SLC2A5: variants seen among roughly 807,000 people sequenced by gnomAD.
SLC2A5 encodes the protein solute carrier family 2, facilitated glucose transporter member 5.
A neutral mutation model predicts 50.3 loss-of-function variants in SLC2A5; 56 were observed. That is an observed-to-expected ratio of 1.11 (90% confidence interval 0.90 to 1.39). The LOEUF is 1.39. Among genes scored for constraint, SLC2A5 ranks in the 40% most tolerant of loss-of-function variants. The pLI is 0.00. For missense variants in SLC2A5, 566 were observed against 650.1 expected (o/e 0.87, Z 1.41); for synonymous variants, 269 against 281.9 (o/e 0.95, Z 0.46).
Position 9,069,498 on chromosome 1 carries a change from A to G in SLC2A5, c.33+6T>C. 6.2e-7 allele frequency: 1 copy of G among 1,613,358 alleles called. No homozygotes were observed. The highest frequency in any genetic ancestry group is 1.1e-5 in the South Asian group (1 of 91,016). On this transcript the variant is annotated splice_donor_region_variant and intron_variant, in intron 1 of 11. Transcript: ENST00000377424. Reference sequence around the variant, plus strand: ...CTTGGCCCCTTTCCCTGAGCAACACACTCACCCCTTCCTTCATGCTCTGAT... The same window carrying G: ...CTTGGCCCCTTTCCCTGAGCAACACGCTCACCCCTTCCTTCATGCTCTGAT...
intron 1 of SLC2A5, among the ~76,000 whole-genome samples, chr1:9,063,681 C>CTTTTTTTTTTTTTTTT (rs70985579): frequency 4.4e-5 from 2 of 45,144 alleles, no homozygotes; most frequent in African/African-American, 1.1e-4. Flanking sequence ...CTATTATTTA[C>CTTTTTTTTTTTTTTTT]TTTTTTTTTT....
chr1:9,089,828 G>A (rs1390868287), upstream of SLC2A5, among the ~76,000 whole-genome samples: 1 of 152,190 alleles, frequency 6.6e-6, no homozygotes, highest in Non-Finnish European at 1.5e-5. Flanking sequence ...ATCACAGGAG[G>A]AAATCTCTTC....
At chr1:9,062,802 A>G (rs1340489235) in intron 1 of SLC2A5, among the ~76,000 whole-genome samples, 1 of 151,990 alleles carries the variant, frequency 6.6e-6, no homozygotes, top group African/African-American at 2.4e-5. Context: ...AACCTGGGAG[A>G]TGGAGGTTGC....
In SLC2A5 at chr1:9,038,942, G is replaced by T. The variant is rs1641216485; in HGVS notation, c.997-13C>A. ...CCACCACGAACACCTACAGGAGGGT[G>T]GCAGGGCTCAGGCGGGAGAGGCCCA... On this transcript the variant is annotated splice_polypyrimidine_tract_variant and intron_variant, in intron 8 of 11. Coordinates refer to ENST00000377424, the MANE Select transcript of SLC2A5 (RefSeq NM_003039.3). 4.3e-6 allele frequency: 7 copies of T among 1,610,266 alleles called. No homozygotes were observed. Among genetic ancestry groups the T allele is most frequent in the Non-Finnish European group, 5.9e-6 (7 of 1,178,886 alleles).
chr1:9,037,901 A>C lies in SLC2A5; in HGVS notation c.1298T>G (p.Ile433Ser), dbSNP rs770318584. 2.9e-5 allele frequency: 46 copies of C among 1,613,734 alleles called. No individual in the cohort carries two copies. Among genetic ancestry groups the C allele is most frequent in the Non-Finnish European group, 3.5e-5 (41 of 1,180,024 alleles). The change falls in exon 11 of 12, where the codon ATC becomes AGC. Residue 433 changes from isoleucine to serine, a missense_variant. Ile to Ser is a moderately radical substitution (Grantham distance 142, BLOSUM62 -2). Coordinates refer to ENST00000377424, the MANE Select transcript of SLC2A5 (RefSeq NM_003039.3). ...TGGGCCCCGGGCCCCACTCACCTGG[A>C]TGAACGGGAAGATCAAGCCCACGGT... ...NFTVGLIFPFIQEGLGPYSFI... is the reference protein window; with the variant it reads ...NFTVGLIFPFSQEGLGPYSFI...
rs2124296456 is a variant in SLC2A5 at position 9,037,995 on chromosome 1, T to C, written c.1204A>G (p.Ile402Val). 2 of 1,613,826 alleles carry C rather than the reference T, an allele frequency of 1.2e-6. No homozygotes were observed. The highest frequency in any genetic ancestry group is 1.7e-6 in the Non-Finnish European group (2 of 1,179,986). ...GATGGCCGAGAGGACTGCAGGAAGA[T>C]CTCAGTGATGAGCAGCGCGGGTATG... is the stretch of plus-strand genomic sequence containing the variant. ...SPIPALLITEIFLQSSRPSAF... is the reference protein window; with the variant it reads ...SPIPALLITEVFLQSSRPSAF... Residue 402 changes from isoleucine to valine, a missense_variant, in exon 11 of 12, where the codon ATC becomes GTC. Ile to Val is a conservative substitution (Grantham distance 29, BLOSUM62 3). Transcript: ENST00000377424.
intron 5 of SLC2A5, chr1:9,041,535 C>A (rs1641301391): frequency 7.4e-7 from 1 of 1,351,320 alleles, no homozygotes; most frequent in Non-Finnish European, 9.5e-7. Context: ...GGAAGCCCAT[C>A]ACTCAAAGCC....
chr1:9,092,555 A>G (rs184498864), upstream of SLC2A5, among the ~76,000 whole-genome samples: 8 of 152,298 alleles, frequency 5.3e-5, no homozygotes, highest in Admixed American at 5.2e-4. Context: ...CTTCCAAAAC[A>G]GGATTGGCAA....
chr1:9,066,562 C>T (rs559838900), intron 1 of SLC2A5, among the ~76,000 whole-genome samples: 43 of 152,258 alleles, frequency 2.8e-4, no homozygotes, highest in African/African-American at 9.9e-4. Context: ...TGTAAAATAC[C>T]TTGTTGTACC....
In SLC2A5 at chr1:9,037,548, C is replaced by G. The variant is rs1409050545; in HGVS notation, c.*38G>C. 3.9e-5 allele frequency: 62 copies of G among 1,575,176 alleles called. No individual in the cohort carries two copies. Among genetic ancestry groups the G allele is most frequent in the Non-Finnish European group, 5.4e-5 (62 of 1,145,896 alleles). Reference sequence around the variant, plus strand: ...CAGAAAAATAAGCCAAAGTGGGAAGCCCCTGGCAGACCAGCTCCACTGGCT... The same window carrying G: ...CAGAAAAATAAGCCAAAGTGGGAAGGCCCTGGCAGACCAGCTCCACTGGCT... On this transcript the variant is annotated 3_prime_UTR_variant, in exon 12 of 12. Transcript: ENST00000377424.
rs532067777 is a variant in SLC2A5, at chr1:9,077,747, G to A, written c.-59+7267C>T. 2.7e-5 allele frequency among the ~76,000 whole-genome samples: 4 copies of A among 146,868 alleles called. No homozygotes were observed. In the South Asian group the frequency reaches 6.9e-4, roughly 25 times the overall value. The stretch of plus-strand genomic sequence containing the variant: ...GCAACAAGGGTGAAACAGGGAGAGA[G>A]GGAGGGAGGGAGAGAGGGAGGGAGG... On this transcript the variant is annotated intron_variant, in intron 2 of 5. Coordinates refer to the SLC2A5 transcript ENST00000464985.
At chr1:9,038,282 T>C in intron 10 of SLC2A5, 149 bp downstream of exon 10, 1 of 700,204 alleles carries the variant, frequency 1.4e-6, no homozygotes, top group Non-Finnish European at 2.5e-6. Context: ...GCTCTCATTA[T>C]GTGCCACCCA....
rs1395350008 is a variant in SLC2A5 at position 9,057,564 on chromosome 1, A to T, written c.177T>A (p.Gly59=). Residue 59 remains glycine (G), a synonymous_variant, in exon 3 of 12, where the codon GGT becomes GGA. Transcript: ENST00000377424. ...TCAAGGGGAAGTCTTCCATGAATTC[A>T]CCGGTCCTACCATAGTAAGTCTCAT... ...FYNETYYGRT[G]EFMEDFPLTL... The T allele has an allele frequency of 1.2e-6, 2 of 1,613,650 alleles. No individual in the cohort carries two copies. Among genetic ancestry groups the T allele is most frequent in the Non-Finnish European group, 1.7e-6 (2 of 1,179,618 alleles).
At chr1:9,090,425 C>T (rs1483448466), upstream of SLC2A5, among the ~76,000 whole-genome samples, 1 of 151,956 alleles carries the variant, frequency 6.6e-6, no homozygotes, top group Non-Finnish European at 1.5e-5. Flanking sequence ...GACTCAAGCC[C>T]ATCATCTCTC....
chr1:9,040,049 C>T lies in SLC2A5; in HGVS notation c.697+15G>A. Reference sequence around the variant, plus strand: ...AGCAGAACCTGGAGGCCGCCCCCGCCAGAGCCCTCGTTACCTTTCTTGGCG... The same window carrying T: ...AGCAGAACCTGGAGGCCGCCCCCGCTAGAGCCCTCGTTACCTTTCTTGGCG... On this transcript the variant is annotated intron_variant, in intron 6 of 11. Coordinates refer to ENST00000377424, the MANE Select transcript of SLC2A5 (RefSeq NM_003039.3). The surrounding 1 kb of genome is among the most constrained non-coding windows in gnomAD (Gnocchi z 4.3). 6.3e-7 allele frequency: 1 copy of T among 1,584,742 alleles called. No homozygotes were observed. The highest frequency in any genetic ancestry group is 1.1e-5 in the South Asian group (1 of 88,334).
chr1:9,049,519 G>A (rs928770523), intron 3 of SLC2A5, among the ~76,000 whole-genome samples: 4 of 151,432 alleles, frequency 2.6e-5, no homozygotes, highest in African/African-American at 9.7e-5. Flanking sequence ...GAAGTCAGGA[G>A]CTCAAGGCCA....
chr1:9,054,166 G>T (rs1409887661), intron 3 of SLC2A5, among the ~76,000 whole-genome samples: 1 of 151,970 alleles, frequency 6.6e-6, no homozygotes, highest in Non-Finnish European at 1.5e-5. Context: ...ATCGGGGAGG[G>T]GCAATATTTG....
chr1:9,070,221 C>T (rs1363413617), upstream of SLC2A5, among the ~76,000 whole-genome samples: 1 of 151,730 alleles, frequency 6.6e-6, no homozygotes, highest in African/African-American at 2.4e-5. Context: ...GCTGGGATTA[C>T]AGGCGTGCAC....
At chr1:9,062,242 G>A (rs889866999) in intron 1 of SLC2A5, among the ~76,000 whole-genome samples, 21 of 152,284 alleles carry the variant, frequency 1.4e-4, no homozygotes, top group South Asian at 6.2e-4. Flanking sequence ...GAAACTACAT[G>A]AGAATGTAAT....
Sources: gnomAD v4.1 joint callset for allele counts (sites outside exome capture counted in the v4.1 genomes callset) on GRCh38, gnomAD v4.1.1 for gene constraint, Gnocchi (gnomAD v3.1) non-coding constraint, MANE v1.5 for transcripts, NCBI Gene and HGNC (gene_info 2026-07-23, HGNC 2026-07-21) for gene names.